PIK3R6: variants seen among roughly 807,000 people sequenced by gnomAD.
PIK3R6 encodes the protein phosphoinositide-3-kinase regulatory subunit 6.
In PIK3R6, 91 loss-of-function variants were observed where a neutral mutation model predicts 84.9. The observed-to-expected ratio is 1.07, with a 90% CI of 0.90 to 1.28. The LOEUF is 1.28. Ranked by LOEUF, PIK3R6 falls within the 50% of genes most tolerant of loss-of-function variation. The pLI, the probability that PIK3R6 is intolerant of heterozygous loss-of-function variation, is 0.00. For synonymous variants in PIK3R6, 416 were observed against 411.4 expected, an observed-to-expected ratio of 1.01 and a Z score of -0.13; for missense variants, 996 against 985.1, an observed-to-expected ratio of 1.01 and a Z score of -0.15.
Position 8,844,092 on chromosome 17 carries a change from C to T in PIK3R6, c.14-4395G>A, listed in dbSNP as rs1489591201. 2.6e-5 allele frequency among the ~76,000 whole-genome samples: 4 copies of T among 152,158 alleles called. No individual in the cohort carries two copies. The highest frequency in any genetic ancestry group is 2.1e-4 in the South Asian group (1 of 4,830). On this transcript the variant is annotated intron_variant, in intron 2 of 19. Coordinates refer to ENST00000619866, the MANE Select transcript of PIK3R6 (RefSeq NM_001010855.4). The surrounding 1 kb of genome is among the most constrained non-coding windows in gnomAD (Gnocchi z 4.5). ...CGGCTGGGACAAAGCTTACCAGTGG[C>T]GGCAAAGGTCAGATGAAGGCCGCTA... is the stretch of plus-strand genomic sequence containing the variant.
Position 8,837,783 on chromosome 17 carries a change from G to T in PIK3R6, c.258+20C>A. The T allele has an allele frequency of 6.2e-7, 1 of 1,606,758 alleles. No individual in the cohort carries two copies. The highest frequency in any genetic ancestry group is 1.1e-5 in the South Asian group (1 of 90,784). On this transcript the variant is annotated intron_variant, in intron 5 of 19. Transcript: ENST00000619866. ...ACATGCAGGTCACCACTACCACCTC[G>T]ACCTCAGTCCCCAGCTCACCTTGGT...
Position 8,835,375 on chromosome 17 carries a change from C to T in PIK3R6, c.543G>A (p.Ala181=), listed in dbSNP as rs775311597. Residue 181 remains alanine (A), a synonymous_variant, in exon 8 of 20, where the codon GCG becomes GCA. Transcript: ENST00000619866. ...ALLLEIEAAQ[A]QQTPETCMRH... Reference sequence around the variant, plus strand: ...GCATGCAGGTCTCTGGTGTCTGCTGCGCCTGGGCCGCCTCGATCTCCAGTA... The same window carrying T: ...GCATGCAGGTCTCTGGTGTCTGCTGTGCCTGGGCCGCCTCGATCTCCAGTA... 28 of 1,611,714 alleles carry T rather than the reference C, an allele frequency of 1.7e-5. No individual in the cohort carries two copies. Among genetic ancestry groups the T allele is most frequent in the Non-Finnish European group, 2.3e-5 (27 of 1,178,340 alleles).
At position 8,831,145 on chromosome 17, in the gene PIK3R6, CAA is replaced by C. The variant is rs35954175; in HGVS notation, c.803-1355_803-1354del. Reference sequence around the variant, plus strand: ...TGGGTGACTGAGCAAGATTGTGTCTCAAAAAAAAAAAAAAAAAAAAAAAGATG... The same window carrying C: ...TGGGTGACTGAGCAAGATTGTGTCTCAAAAAAAAAAAAAAAAAAAAAGATG... On this transcript the variant is annotated intron_variant, in intron 9 of 19. Transcript: ENST00000619866. Among the ~76,000 whole-genome samples, 1,201 of 41,972 alleles carry C rather than the reference CAA, an allele frequency of 0.029. 61 individuals carry two copies. In the East Asian group the frequency reaches 0.3, roughly 11 times the overall value. 27.5% of individuals were successfully genotyped at this position (41,972 alleles called of 152,430 possible).
intron 13 of PIK3R6, among the ~76,000 whole-genome samples, chr17:8,826,356 A>G (rs2087916798): frequency 1.3e-5 from 2 of 152,230 alleles, no homozygotes; most frequent in South Asian, 4.1e-4. Context: ...TATTTACAAT[A>G]GCAAAGACTT....
Position 8,803,302 on chromosome 17 carries a change from TGGGCATCAGAA to T in PIK3R6, c.2225_2235del (p.Leu742HisfsTer65), listed in dbSNP as rs1454875684. 2.8e-5 allele frequency: 45 copies of T among 1,612,906 alleles called. No homozygotes were observed. Among genetic ancestry groups the T allele is most frequent in the Non-Finnish European group, 3.8e-5 (45 of 1,179,870 alleles). ...TGGACAATACCAGAGAATGTGTTGATGGGCATCAGAAGGGGCTTGGGCTTGGCTTTGATTGC... is the reference window on the plus strand; with the variant it reads ...TGGACAATACCAGAGAATGTGTTGATGGGGCTTGGGCTTGGCTTTGATTGC... On this transcript the variant is annotated frameshift_variant, in exon 20 of 20. Coordinates refer to ENST00000619866, the MANE Select transcript of PIK3R6 (RefSeq NM_001010855.4). LOFTEE classifies it high-confidence loss of function. This position sits in a 1 kb window ranked among gnomAD's most constrained non-coding sequence, Gnocchi z 5.0.
At chr17:8,819,637 T>C (rs575890135) in intron 17 of PIK3R6, among the ~76,000 whole-genome samples, 287 of 149,904 alleles carry the variant, frequency 1.9e-3, no homozygotes, top group African/African-American at 6.7e-3. Context: ...TCAAGGTTTC[T>C]TTTACTTTCT....
At position 8,805,057 on chromosome 17, in the gene PIK3R6, C is replaced by T. The variant is rs1482899954; in HGVS notation, c.1996-904G>A. 6.6e-5 allele frequency among the ~76,000 whole-genome samples: 10 copies of T among 152,152 alleles called. No homozygotes were observed. In the East Asian group the frequency reaches 7.7e-4, roughly 12 times the overall value. On this transcript the variant is annotated intron_variant, in intron 18 of 19. Transcript: ENST00000619866. Reference sequence around the variant, plus strand: ...CAGCAGCCTGAACTAGGAGTTCACACGTGTCCAGGCATTTCAGCTGAACTT... The same window carrying T: ...CAGCAGCCTGAACTAGGAGTTCACATGTGTCCAGGCATTTCAGCTGAACTT...
intron 1 of PIK3R6, among the ~76,000 whole-genome samples, chr17:8,856,538 T>G (rs925221387): frequency 6.6e-6 from 1 of 151,886 alleles, no homozygotes; most frequent in Admixed American, 6.6e-5. Context: ...GGAGATGGAG[T>G]TTGCAGTGAG....
In PIK3R6 at chr17:8,835,281, T is replaced by C; in HGVS notation, c.637A>G (p.Lys213Glu). The C allele has an allele frequency of 6.4e-7, 1 of 1,560,164 alleles. No individual in the cohort carries two copies. The highest frequency in any genetic ancestry group is 1.8e-5 in the Admixed American group (1 of 55,452). ...EACHAGALHR[K>E]LQASPRRTLE... is the part of the protein sequence containing the mutation. ...GCAGGCAGGGCCATTACCTGCAGCT[T>C]CCTGTGCAGAGCGCCTGCGTGACAG... is the stretch of plus-strand genomic sequence containing the variant. Residue 213 changes from lysine (K) to glutamate (E), a missense_variant, in exon 8 of 20, where the codon AAG (lysine) becomes GAG (glutamate). Coordinates refer to ENST00000619866, the MANE Select transcript of PIK3R6 (RefSeq NM_001010855.4).
At chr17:8,829,136 CACACACAGAG>C in intron 10 of PIK3R6, 146 bp from the exon 11 acceptor site, 1 of 772,668 alleles carries the variant, frequency 1.3e-6, no homozygotes, top group East Asian at 3.0e-5. Flanking sequence ...CACAGAGACT[CACACACAGAG>C]ACACACAGAT....
intron 18 of PIK3R6, among the ~76,000 whole-genome samples, chr17:8,817,842 G>C (rs2087591613): frequency 6.6e-6 from 1 of 151,918 alleles, no homozygotes; most frequent in South Asian, 2.1e-4. Flanking sequence ...CAAGGAGCTT[G>C]ACTTGAGAAG....
chr17:8,813,122 A>C (rs1405756851), intron 18 of PIK3R6, among the ~76,000 whole-genome samples: 1 of 152,214 alleles, frequency 6.6e-6, no homozygotes, highest in African/African-American at 2.4e-5. Flanking sequence ...ATCTCTATGC[A>C]CACAAACAGG....
At chr17:8,854,622 T>C (rs1197396393) in intron 1 of PIK3R6, among the ~76,000 whole-genome samples, 8 of 152,220 alleles carry the variant, frequency 5.3e-5, no homozygotes, top group Non-Finnish European at 8.8e-5. Context: ...CAAATGGTGA[T>C]GGAACAATTG....
At chr17:8,807,156 A>G (rs74748937) in intron 18 of PIK3R6, among the ~76,000 whole-genome samples, 2,228 of 152,350 alleles carry the variant, frequency 0.015, 57 homozygotes, top group African/African-American at 0.048. Flanking sequence ...GTTGCCCTAT[A>G]CGAAGACAGA....
intron 18 of PIK3R6, among the ~76,000 whole-genome samples, chr17:8,812,867 C>T (rs1055984174): frequency 1.3e-5 from 2 of 151,926 alleles, no homozygotes; most frequent in African/African-American, 4.8e-5. Context: ...CAAACCACAC[C>T]CTAAGCTAGC....
At position 8,849,779 on chromosome 17, in the gene PIK3R6, G is replaced by A. The variant is rs777757042; in HGVS notation, c.13+3C>T. ...TAGACCCCTTTCCCCCCACCACACT[G>A]ACCTGAGCTCTCCATGGGAGCCTTT... is the stretch of plus-strand genomic sequence containing the variant. On this transcript the variant is annotated splice_donor_region_variant and intron_variant, in intron 2 of 19. Coordinates refer to ENST00000619866, the MANE Select transcript of PIK3R6 (RefSeq NM_001010855.4). The A allele has an allele frequency of 6.2e-7, 1 of 1,612,284 alleles. No homozygotes were observed. The highest frequency in any genetic ancestry group is 2.2e-5 in the East Asian group (1 of 44,842).
Position 8,828,726 on chromosome 17 carries a change from C to T in PIK3R6, c.1154G>A (p.Gly385Asp). Residue 385 changes from glycine to aspartate, a missense_variant, in exon 11 of 20, where the codon GGC becomes GAC. By Grantham distance (94) the Gly-to-Asp change is moderately conservative (BLOSUM62 -1). Transcript: ENST00000619866. ...RAWPLDFLMP[G>D]SWDGPPGLHR... ...CAGCCCTGGGGGCCCGTCCCAGCTG[C>T]CAGGCATCAAGAAGTCCAGGGGCCA... 6.2e-7 allele frequency: 1 copy of T among 1,609,196 alleles called. No homozygotes were observed. Among genetic ancestry groups the T allele is most frequent in the Non-Finnish European group, 8.5e-7 (1 of 1,177,842 alleles).
At position 8,863,597 on chromosome 17, in the gene PIK3R6, C is replaced by T. The variant is rs575487462; in HGVS notation, c.-92+3932G>A. Among the ~76,000 whole-genome samples, 192 of 151,946 alleles carry T rather than the reference C, an allele frequency of 1.3e-3. 1 individual carries two copies. The highest frequency in any genetic ancestry group is 4.4e-3 in the African/African-American group (182 of 41,412). ...TCACCTAGGCTGGAGTGCAGTGGTGCGATCTCGGCTCACTGTAACCTCCAC... is the reference window on the plus strand; with the variant it reads ...TCACCTAGGCTGGAGTGCAGTGGTGTGATCTCGGCTCACTGTAACCTCCAC... On this transcript the variant is annotated intron_variant, in intron 1 of 19. Transcript: ENST00000619866.
chr17:8,824,790 T>A (rs1433695472), intron 13 of PIK3R6, among the ~76,000 whole-genome samples: 5 of 152,142 alleles, frequency 3.3e-5, no homozygotes, highest in Non-Finnish European at 2.9e-5. Flanking sequence ...AGCTAAATGG[T>A]CTTTGTGTGT....
Sources: allele counts gnomAD v4.1 joint callset (sites outside exome capture counted in the v4.1 genomes callset), GRCh38; gene constraint gnomAD v4.1.1; non-coding constraint Gnocchi (gnomAD v3.1); transcripts MANE v1.5; gene names NCBI Gene and HGNC (gene_info 2026-07-23, HGNC 2026-07-21).